The following CDH11 variants were observed in gnomAD, a reference collection of about 807,000 sequenced individuals.
CDH11 encodes cadherin 11, also known as cadherin-11.
CDH11 carries 11 observed loss-of-function variants against 67.8 expected under a neutral mutation model. That is an observed-to-expected ratio of 0.16 (90% CI 0.10 to 0.27). CDH11 has a LOEUF of 0.27. Among genes scored for constraint, CDH11 ranks in the 10% least tolerant of loss-of-function variants. The probability of loss-of-function intolerance (pLI) is 1.00; values close to 1 mark genes in which losing one functional copy is unlikely to be tolerated. For missense variants in CDH11, 847 were observed against 1,031.2 expected (o/e 0.82, Z 2.45); for synonymous variants, 419 against 400.0 (o/e 1.05, Z -0.57).
intron 1 of CDH11, among the ~76,000 whole-genome samples, chr16:65,084,779 A>G (rs573224098): frequency 6.6e-6 from 1 of 152,346 alleles, no homozygotes; most frequent in African/African-American, 2.4e-5. Flanking sequence ...TCACAAAATA[A>G]AAAGCCTTCT....
chr16:65,066,402 T>C (rs1226382860), intron 1 of CDH11, among the ~76,000 whole-genome samples: 2 of 152,200 alleles, frequency 1.3e-5, no homozygotes, highest in African/African-American at 4.8e-5. Flanking sequence ...ATCTATTATG[T>C]GCCAGGCATC....
intron 11 of CDH11, among the ~76,000 whole-genome samples, chr16:64,969,083 C>T (rs969582687): frequency 1.3e-5 from 2 of 152,010 alleles, no homozygotes; most frequent in Non-Finnish European, 2.9e-5. Flanking sequence ...TAGGAGAGGG[C>T]AGGGGAGATG....
rs1454868538 is a variant in CDH11 at position 65,121,028 on chromosome 16, G to A, written c.-298+852C>T. ...GCAGGGAGGGAGGCCGTGCGTGCCG[G>A]GAGCTAGAGAGGCTTGGCGCGCTCC... is the stretch of plus-strand genomic sequence containing the variant. On this transcript the variant is annotated intron_variant, in intron 1 of 12. Coordinates refer to ENST00000268603, the MANE Select transcript of CDH11 (RefSeq NM_001797.4). This position sits in a 1 kb window ranked among gnomAD's most constrained non-coding sequence, Gnocchi z 4.1. Among the ~76,000 whole-genome samples the A allele has an allele frequency of 6.6e-6, 1 of 152,214 alleles. No homozygotes were observed.
chr16:65,042,878 C>T (rs1221337941), intron 2 of CDH11, among the ~76,000 whole-genome samples: 1 of 152,108 alleles, frequency 6.6e-6, no homozygotes, highest in Non-Finnish European at 1.5e-5. Context: ...ATCCTAAGTT[C>T]CTTGTAGCCC....
upstream of CDH11, chr16:65,123,720 C>G (rs2142911221): frequency 6.6e-6 from 1 of 152,570 alleles, no homozygotes; most frequent in African/African-American, 2.4e-5. Context: ...CTCCAGGATC[C>G]GGGTGGCGCT....
chr16:65,067,759 GAA>G (rs2074338962), intron 1 of CDH11, among the ~76,000 whole-genome samples: 2 of 140,718 alleles, frequency 1.4e-5, no homozygotes, highest in East Asian at 2.4e-4. Context: ...AGGGAGGGAG[GAA>G]GAAAGGAAGG....
intron 4 of CDH11, among the ~76,000 whole-genome samples, chr16:64,998,201 G>C (rs1597072766): frequency 6.6e-6 from 1 of 152,188 alleles, no homozygotes; most frequent in Non-Finnish European, 1.5e-5. Flanking sequence ...TCCTATCTGT[G>C]AAATACGGTG....
At chr16:65,065,668 C>G (rs2074301785) in intron 1 of CDH11, among the ~76,000 whole-genome samples, 1 of 152,148 alleles carries the variant, frequency 6.6e-6, no homozygotes, top group Non-Finnish European at 1.5e-5. Context: ...CTGCTTAGAA[C>G]AGCATCACTG....
chr16:64,991,481 T>C (rs1236873092), intron 6 of CDH11: 1 of 345,834 alleles, frequency 2.9e-6, no homozygotes, highest in Non-Finnish European at 5.4e-6. Flanking sequence ...AATTAATTAC[T>C]AGATTGCATC....
rs565226318 is a variant in CDH11, at chr16:64,945,845, G to GA, written c.*1757dup. 1 of 1,052,924 alleles carries GA rather than the reference G, an allele frequency of 9.5e-7. No homozygotes were observed. The highest frequency in any genetic ancestry group is 1.7e-5 in the African/African-American group (1 of 60,496). The allele number at this position is 1,052,924 out of a possible 1,614,324, so 65.2% of individuals were successfully genotyped here. On this transcript the variant is annotated 3_prime_UTR_variant, in exon 13 of 13. Coordinates refer to ENST00000268603, the MANE Select transcript of CDH11 (RefSeq NM_001797.4). ...GAAACAAACTTTCACAATAAAGTCA[G>GA]AAAAAAACTGTAAAAATTGTCTGCA...
intron 2 of CDH11, among the ~76,000 whole-genome samples, chr16:65,029,672 G>A (rs1030554922): frequency 2.6e-4 from 39 of 152,206 alleles, no homozygotes; most frequent in African/African-American, 9.4e-4. Context: ...AGTTTTTATG[G>A]GAGAACATTG....
At chr16:65,084,193 C>T (rs568982081) in intron 1 of CDH11, among the ~76,000 whole-genome samples, 11 of 152,218 alleles carry the variant, frequency 7.2e-5, no homozygotes, top group South Asian at 2.1e-4. Context: ...TGAAAATAAA[C>T]GTAAAAGGTC....
intron 1 of CDH11, among the ~76,000 whole-genome samples, chr16:65,093,676 G>A (rs890792322): frequency 6.6e-6 from 1 of 152,054 alleles, no homozygotes; most frequent in Non-Finnish European, 1.5e-5. Flanking sequence ...AATCTACTAC[G>A]TGATATTCAC....
intron 8 of CDH11, among the ~76,000 whole-genome samples, chr16:64,975,539 A>G (rs1444811692): frequency 6.6e-6 from 1 of 152,140 alleles, no homozygotes; most frequent in African/African-American, 2.4e-5. Context: ...CCCAAGTAGG[A>G]TTTAGTGGAT....
At position 64,944,106 on chromosome 16, in the gene CDH11, T is replaced by C. The variant is rs187036389; in HGVS notation, c.*3497A>G. On this transcript the variant is annotated 3_prime_UTR_variant, in exon 13 of 13. Coordinates refer to ENST00000268603, the MANE Select transcript of CDH11 (RefSeq NM_001797.4). ...GGAGAGGTTCGCAGGGCCCTGTTCA[T>C]GTAAAGCAATAAAATAAAGGCATCA... 12 of 232,704 alleles carry C rather than the reference T, an allele frequency of 5.2e-5. No individual in the cohort carries two copies. In the East Asian group the frequency reaches 6.7e-4, roughly 13 times the overall value. The allele number at this position is 232,704 out of a possible 1,614,324, so 14.4% of individuals were successfully genotyped here. A position where few individuals can be genotyped will look rare whatever the true frequency, so the allele number is the denominator to read the frequency against.
intron 2 of CDH11, among the ~76,000 whole-genome samples, chr16:65,017,034 G>A (rs971771625): frequency 1.3e-5 from 2 of 152,124 alleles, no homozygotes; most frequent in Non-Finnish European, 2.9e-5. Context: ...AGCAAATAAT[G>A]AGCAATGAGG....
At chr16:65,110,438 T>G (rs1180081154) in intron 1 of CDH11, among the ~76,000 whole-genome samples, 1 of 152,016 alleles carries the variant, frequency 6.6e-6, no homozygotes, top group African/African-American at 2.4e-5. Context: ...CCCAGATACC[T>G]AGGAAGGCTG....
intron 1 of CDH11, among the ~76,000 whole-genome samples, chr16:65,082,081 C>G (rs2074620610): frequency 6.6e-6 from 1 of 152,162 alleles, no homozygotes; most frequent in African/African-American, 2.4e-5. Flanking sequence ...AGGCCATGGA[C>G]AGGAGATTCC....
chr16:65,078,252 C>T (rs921813357), intron 1 of CDH11, among the ~76,000 whole-genome samples: 14 of 152,174 alleles, frequency 9.2e-5, no homozygotes, highest in Admixed American at 3.3e-4. Context: ...TTTGCCCTCA[C>T]GCTGCTATTT....
Sources: allele counts gnomAD v4.1 joint callset (sites outside exome capture counted in the v4.1 genomes callset), GRCh38; gene constraint gnomAD v4.1.1; non-coding constraint Gnocchi (gnomAD v3.1); transcripts MANE v1.5; gene names NCBI Gene and HGNC (gene_info 2026-07-23, HGNC 2026-07-21).